The following DNAJC5B variants were observed in gnomAD, a reference collection of about 807,000 sequenced individuals.
DNAJC5B encodes the protein DnaJ heat shock protein family (Hsp40) member C5 beta.
Under a neutral mutation model 24.7 loss-of-function variants are expected in DNAJC5B, and 23 were observed. The observed-to-expected ratio is 0.93, with a 90% confidence interval of 0.67 to 1.32. The LOEUF (loss-of-function observed/expected upper bound fraction) is 1.32, where lower values mean the gene tolerates loss of function less well. Among genes scored for constraint, DNAJC5B ranks in the 40% most tolerant of loss-of-function variants. The probability of loss-of-function intolerance (pLI) is 0.00; values close to 1 mark genes in which losing one functional copy is unlikely to be tolerated. For missense variants in DNAJC5B, 238 were observed against 240.8 expected, an observed-to-expected ratio of 0.99 and a Z score of 0.08; for synonymous variants, 101 against 90.1, an observed-to-expected ratio of 1.12 and a Z score of -0.68.
chr8:66,069,800 A>G (rs1169993751), intron 3 of DNAJC5B, among the ~76,000 whole-genome samples: 1 of 152,258 alleles, frequency 6.6e-6, no homozygotes, highest in Non-Finnish European at 1.5e-5. Flanking sequence ...CATGGATGCA[A>G]AAATCCTCAA....
chr8:66,061,255 G>T (rs1037020528), intron 3 of DNAJC5B, among the ~76,000 whole-genome samples: 4 of 152,044 alleles, frequency 2.6e-5, no homozygotes, highest in Admixed American at 6.6e-5. Flanking sequence ...AATAGCCACC[G>T]CACTCCAGCC....
chr8:66,098,979 C>T (rs199823579), intron 5 of DNAJC5B, among the ~76,000 whole-genome samples: 1 of 151,150 alleles, frequency 6.6e-6, no homozygotes, highest in Non-Finnish European at 1.5e-5. Context: ...ATCTCTGTCT[C>T]TCTGTCTGTC....
chr8:66,069,580 C>G (rs1052061030), intron 3 of DNAJC5B, among the ~76,000 whole-genome samples: 1 of 152,128 alleles, frequency 6.6e-6, no homozygotes, highest in Non-Finnish European at 1.5e-5. Context: ...GCCTACTAAC[C>G]AAAGAAAGTC....
chr8:66,023,410 G>A (rs1009672037), intron 1 of DNAJC5B, among the ~76,000 whole-genome samples: 13 of 152,150 alleles, frequency 8.5e-5, no homozygotes, highest in Admixed American at 3.3e-4. Context: ...ACAAGAAAAA[G>A]CACTGAAGAC....
chr8:66,048,106 C>A (rs568125718), intron 2 of DNAJC5B, among the ~76,000 whole-genome samples: 1 of 152,296 alleles, frequency 6.6e-6, no homozygotes, highest in South Asian at 2.1e-4. Flanking sequence ...AAAGTATATG[C>A]AAAGCAACCT....
At chr8:66,046,486 G>A (rs1806725850) in intron 2 of DNAJC5B, among the ~76,000 whole-genome samples, 1 of 152,188 alleles carries the variant, frequency 6.6e-6, no homozygotes. Flanking sequence ...GGGGGAAATT[G>A]TAAATTGTAA....
intron 1 of DNAJC5B, among the ~76,000 whole-genome samples, chr8:66,039,804 A>G (rs141442300): frequency 5.8e-4 from 89 of 152,350 alleles, no homozygotes; most frequent in African/African-American, 1.7e-3. Flanking sequence ...CATTTGTTGT[A>G]TAACTCATTC....
intron 3 of DNAJC5B, among the ~76,000 whole-genome samples, chr8:66,067,365 G>A (rs536126870): frequency 2.0e-5 from 3 of 152,070 alleles, no homozygotes; most frequent in Non-Finnish European, 4.4e-5. Flanking sequence ...CAAGGATGAA[G>A]GTCCTGCAAT....
At position 66,067,469 on chromosome 8, in the gene DNAJC5B, A is replaced by G. The variant is rs562533275; in HGVS notation, c.120-9191A>G. On this transcript the variant is annotated intron_variant, in intron 3 of 5. Transcript: ENST00000276570. ...ACAATTACTTTGGTGGTCATCAACAACCATGCCTGCTGGTTTTCATGTCCT... is the reference window on the plus strand; with the variant it reads ...ACAATTACTTTGGTGGTCATCAACAGCCATGCCTGCTGGTTTTCATGTCCT... Among the ~76,000 whole-genome samples, 17 of 152,236 alleles carry G rather than the reference A, an allele frequency of 1.1e-4. 1 individual carries two copies.
In DNAJC5B at chr8:66,098,860, AT is replaced by A. The variant is rs568887694; in HGVS notation, c.506-1075del. ...TTTATTTAATTACTTTTAAAACATA[AT>A]TCTTTTGTATTCTGTGTCTGATAAA... On this transcript the variant is annotated intron_variant, in intron 5 of 5. Transcript: ENST00000276570. 2.5e-4 allele frequency among the ~76,000 whole-genome samples: 38 copies of A among 152,162 alleles called. No individual in the cohort carries two copies. The South Asian group carries it at 7.9e-3, about 32-fold the overall frequency.
chr8:66,065,345 AGT>A (rs1424443278), intron 3 of DNAJC5B, among the ~76,000 whole-genome samples: 3 of 152,256 alleles, frequency 2.0e-5, no homozygotes, highest in African/African-American at 7.2e-5. Context: ...TGTGGCCTTC[AGT>A]GTGTCCTCAG....
intron 3 of DNAJC5B, 127 bp from the exon 4 acceptor site, chr8:66,076,533 C>G: frequency 9.7e-7 from 1 of 1,026,236 alleles, no homozygotes. Flanking sequence ...CACCGCTAGT[C>G]TGAAACTCAC....
chr8:66,082,316 T>A (rs539412131), intron 5 of DNAJC5B, among the ~76,000 whole-genome samples: 8 of 151,926 alleles, frequency 5.3e-5, no homozygotes, highest in African/African-American at 1.9e-4. Flanking sequence ...GATACCTAGG[T>A]TCAATCTAGG....
At chr8:66,042,701 C>T (rs1222087797) in intron 1 of DNAJC5B, among the ~76,000 whole-genome samples, 1 of 110,444 alleles carries the variant, frequency 9.1e-6, no homozygotes. Context: ...CTCTCCCCCT[C>T]CCCCTCCCCC....
At chr8:66,020,754 C>T (rs1454150318), upstream of DNAJC5B, among the ~76,000 whole-genome samples, 1 of 152,076 alleles carries the variant, frequency 6.6e-6, no homozygotes, top group Non-Finnish European at 1.5e-5. Context: ...CATCCCCTGT[C>T]AGCCTCCTGA....
intron 3 of DNAJC5B, among the ~76,000 whole-genome samples, chr8:66,070,492 T>C (rs1192950806): frequency 6.6e-6 from 1 of 152,132 alleles, no homozygotes; most frequent in Non-Finnish European, 1.5e-5. Flanking sequence ...GGAATCCAAC[T>C]TGAAGGGATG....
At chr8:66,016,044 G>C in the DNAJC5B span, among the ~76,000 whole-genome samples, 1 of 152,226 alleles carries the variant, frequency 6.6e-6, no homozygotes, top group Non-Finnish European at 1.5e-5. Context: ...AGTGCTGGAA[G>C]CTGGGAAGTC....
intron 1 of DNAJC5B, among the ~76,000 whole-genome samples, chr8:66,034,831 G>C (rs1328550397): frequency 6.6e-6 from 1 of 152,132 alleles, no homozygotes; most frequent in Non-Finnish European, 1.5e-5. Context: ...GAAGGCTGAT[G>C]CTGCTTTAGG....
chr8:66,057,175 A>T (rs1250655897), intron 3 of DNAJC5B: 2 of 152,204 alleles, frequency 1.3e-5, no homozygotes, highest in Non-Finnish European at 2.9e-5. Context: ...ATCATAAAAA[A>T]TTCAACAAGT....
Sources: allele counts gnomAD v4.1 joint callset (sites outside exome capture counted in the v4.1 genomes callset), GRCh38; gene constraint gnomAD v4.1.1; transcripts MANE v1.5; gene names NCBI Gene and HGNC (gene_info 2026-07-23, HGNC 2026-07-21).